Variants in KDM4B observed in about 807,000 individuals in gnomAD.
KDM4B encodes the protein lysine demethylase 4B.
In KDM4B, 32 loss-of-function variants were observed where a neutral mutation model predicts 125.2. That is an observed-to-expected ratio of 0.26 (90% CI 0.19 to 0.34). KDM4B has a LOEUF of 0.34. Among genes scored for constraint, KDM4B ranks in the 10% least tolerant of loss-of-function variants. KDM4B has a pLI of 1.00. For missense variants in KDM4B, 1,190 were observed against 1,577.7 expected (o/e 0.75, Z 4.16); for synonymous variants, 721 against 677.9 (o/e 1.06, Z -0.99).
At chr19:5,094,104 T>C (rs2038768972) in intron 9 of KDM4B, among the ~76,000 whole-genome samples, 1 of 152,156 alleles carries the variant, frequency 6.6e-6, no homozygotes, top group South Asian at 2.1e-4. Flanking sequence ...TGCAGGGGTG[T>C]CGCCCTCTCC....
chr19:5,067,698 G>T (rs1291360211), intron 6 of KDM4B, among the ~76,000 whole-genome samples: 1 of 152,174 alleles, frequency 6.6e-6, no homozygotes, highest in African/African-American at 2.4e-5. Flanking sequence ...CATGGAGCCG[G>T]TAGCATCTCA....
chr19:4,990,319 G>C (rs2034992452), intron 1 of KDM4B, among the ~76,000 whole-genome samples: 1 of 152,174 alleles, frequency 6.6e-6, no homozygotes, highest in Admixed American at 6.5e-5. Context: ...CAGAACCTTG[G>C]TGTTAGAGCA....
At chr19:5,058,334 C>T (rs1347924019) in intron 6 of KDM4B, among the ~76,000 whole-genome samples, 3 of 152,216 alleles carry the variant, frequency 2.0e-5, no homozygotes, top group Non-Finnish European at 4.4e-5. Flanking sequence ...CCAGACACTC[C>T]ACGCGCAACC....
chr19:5,131,566 CAGGG>C, intron 12 of KDM4B, 21 bp downstream of exon 12: 1 of 367,070 alleles, frequency 2.7e-6, no homozygotes, highest in Non-Finnish European at 5.0e-6. Flanking sequence ...GCGGGGGAGG[CAGGG>C]AGGAGGGGGG....
chr19:5,122,696 G>A (rs570325030), intron 11 of KDM4B, among the ~76,000 whole-genome samples: 2 of 152,348 alleles, frequency 1.3e-5, no homozygotes, highest in East Asian at 3.9e-4. Context: ...CCGACCAAGA[G>A]CAGATAAGAA....
intron 15 of KDM4B, among the ~76,000 whole-genome samples, chr19:5,136,025 T>C (rs1383435806): frequency 6.6e-6 from 1 of 152,232 alleles, no homozygotes; most frequent in African/African-American, 2.4e-5. Flanking sequence ...CCGCAGGCTG[T>C]GTTCCCTGAG....
intron 6 of KDM4B, among the ~76,000 whole-genome samples, chr19:5,050,070 C>T (rs967917132): frequency 1.3e-5 from 2 of 152,216 alleles, no homozygotes; most frequent in African/African-American, 4.8e-5. Flanking sequence ...GGCTGCGCCC[C>T]GTCTGTCTCC....
intron 7 of KDM4B, among the ~76,000 whole-genome samples, chr19:5,073,660 TC>T (rs780397579): frequency 3.3e-5 from 5 of 152,116 alleles, no homozygotes; most frequent in Non-Finnish European, 4.4e-5. Flanking sequence ...CACTGCCACA[TC>T]CCCTCTCCCT....
intron 1 of KDM4B, among the ~76,000 whole-genome samples, chr19:5,008,906 CTTTTTTTTTTTTTTT>C (rs200928850): frequency 1.9e-5 from 2 of 104,460 alleles, no homozygotes; most frequent in Admixed American, 1.0e-4. Flanking sequence ...TGGCCCCTGC[CTTTTTTTTTTTTTTT>C]TTTTTTTTTT....
intron 9 of KDM4B, among the ~76,000 whole-genome samples, chr19:5,102,652 C>A (rs929375947): frequency 6.6e-6 from 1 of 152,144 alleles, no homozygotes; most frequent in Non-Finnish European, 1.5e-5. Context: ...AGCAGGGAAT[C>A]GAGGCCCCGG....
intron 10 of KDM4B, chr19:5,111,355 G>T (rs1437619680): frequency 2.6e-6 from 2 of 759,368 alleles, no homozygotes; most frequent in Non-Finnish European, 4.8e-6. Flanking sequence ...CGTGACCCTG[G>T]ATGCCCTCCT....
intron 9 of KDM4B, among the ~76,000 whole-genome samples, chr19:5,103,030 A>C (rs767668461): frequency 2.0e-5 from 3 of 152,134 alleles, no homozygotes; most frequent in African/African-American, 7.2e-5. Flanking sequence ...CCTCTCCCAC[A>C]CAGGCCAGTC....
At chr19:5,150,810 G>A (rs1251512160) in intron 22 of KDM4B, among the ~76,000 whole-genome samples, 3 of 152,188 alleles carry the variant, frequency 2.0e-5, no homozygotes, top group Non-Finnish European at 4.4e-5. Context: ...AACCATCACA[G>A]GTTTTGGGGT....
intron 9 of KDM4B, among the ~76,000 whole-genome samples, chr19:5,092,859 A>T (rs1342939520): frequency 6.6e-6 from 1 of 152,152 alleles, no homozygotes; most frequent in Non-Finnish European, 1.5e-5. Flanking sequence ...GCCGTCGTGG[A>T]TGAGTCGTAA....
chr19:5,034,326 CAGTT>C (rs1432933421), intron 3 of KDM4B, among the ~76,000 whole-genome samples: 1 of 152,148 alleles, frequency 6.6e-6, no homozygotes, highest in African/African-American at 2.4e-5. Context: ...TGTTCTTCCT[CAGTT>C]AGGCCAGGGG....
At chr19:5,127,862 C>T (rs1370060543) in intron 11 of KDM4B, among the ~76,000 whole-genome samples, 2 of 152,206 alleles carry the variant, frequency 1.3e-5, no homozygotes, top group East Asian at 1.9e-4. Context: ...AGCCGCCCCT[C>T]AGCTCCCAGG....
chr19:5,110,522 G>T, intron 9 of KDM4B, 100 bp from the exon 10 acceptor site: 1 of 1,111,050 alleles, frequency 9.0e-7, no homozygotes, highest in South Asian at 1.3e-5. Context: ...GATGGGGTGT[G>T]GGAGGCCCGG....
rs778405733 is a variant in KDM4B at position 5,131,399 on chromosome 19, T to C, written c.1639T>C (p.Cys547Arg). 21 of 1,611,426 alleles carry C rather than the reference T, an allele frequency of 1.3e-5. No homozygotes were observed. The highest frequency in any genetic ancestry group is 1.8e-5 in the Non-Finnish European group (21 of 1,179,682). The stretch of plus-strand genomic sequence containing the variant: ...AGCCTTCAACCAGGAGCACGTGTCC[T>C]GCCAGCAGGCCTTTGAGCACTTTGC... ...KAAFNQEHVS[C>R]QQAFEHFAQK... Residue 547 changes from cysteine to arginine, a missense_variant, in exon 12 of 23, where the codon TGC becomes CGC. By Grantham distance (180) the Cys-to-Arg change is radical. This residue lies in a region of KDM4B where 428 missense variants were observed against 405.1 expected (regional missense o/e 1.06). Transcript: ENST00000159111.
Position 4,987,965 on chromosome 19 carries a change from C to T in KDM4B, c.-109+18735C>T, listed in dbSNP as rs115369800. 7.1e-3 allele frequency among the ~76,000 whole-genome samples: 1,087 copies of T among 152,304 alleles called. 10 individuals carry two copies. The highest frequency in any genetic ancestry group is 0.025 in the African/African-American group (1,041 of 41,562). ...TCCCAGGGTGCAGCAGCTGGTTTCA[C>T]GCCCCCAGCTCGGCCACTTCCTGCA... On this transcript the variant is annotated intron_variant, in intron 1 of 22. Transcript: ENST00000159111.
Sources: allele counts gnomAD v4.1 joint callset (sites outside exome capture counted in the v4.1 genomes callset), GRCh38; gene constraint gnomAD v4.1.1; regional missense constraint gnomAD v4.1.1; transcripts MANE v1.5; gene names NCBI Gene and HGNC (gene_info 2026-07-23, HGNC 2026-07-21).